Variants in PPP1R9A observed in about 807,000 individuals in gnomAD.
PPP1R9A encodes the protein neurabin-1.
A neutral mutation model predicts 141.9 loss-of-function variants in PPP1R9A; 59 were observed. That is an observed-to-expected ratio of 0.42 (90% CI 0.34 to 0.52). The LOEUF is 0.52. Ranked by LOEUF, PPP1R9A falls within the 20% of genes least tolerant of loss-of-function variation. The pLI, the probability that PPP1R9A is intolerant of heterozygous loss-of-function variation, is 0.10. For missense variants in PPP1R9A, 1,444 were observed against 1,611.9 expected, an observed-to-expected ratio of 0.90 and a Z score of 1.78; for synonymous variants, 500 against 569.7, an observed-to-expected ratio of 0.88 and a Z score of 1.74.
intron 5 of PPP1R9A, among the ~76,000 whole-genome samples, chr7:95,164,766 C>A (rs1830977976): frequency 9.9e-6 from 1 of 100,586 alleles, no homozygotes; most frequent in Admixed American, 1.2e-4. Flanking sequence ...TTTTTTCAGG[C>A]ATGGCCTATT....
chr7:95,028,586 T>C (rs1398118454), intron 2 of PPP1R9A, among the ~76,000 whole-genome samples: 2 of 152,198 alleles, frequency 1.3e-5, no homozygotes, highest in Non-Finnish European at 2.9e-5. Flanking sequence ...ATTTTAGGGC[T>C]AGAGGAAATA....
chr7:95,172,543 CA>C (rs1417108706), intron 5 of PPP1R9A, among the ~76,000 whole-genome samples: 1 of 151,548 alleles, frequency 6.6e-6, no homozygotes, highest in Admixed American at 6.6e-5. Flanking sequence ...TGACAGCATC[CA>C]AAATATTAAA....
At chr7:95,006,394 T>TTA (rs1043012393) in intron 2 of PPP1R9A, among the ~76,000 whole-genome samples, 3 of 151,974 alleles carry the variant, frequency 2.0e-5, no homozygotes, top group Non-Finnish European at 2.9e-5. Flanking sequence ...ATTTTTGTTA[T>TTA]TTTTAGTAGA....
chr7:95,148,617 G>A (rs1828069133), intron 4 of PPP1R9A, among the ~76,000 whole-genome samples: 1 of 150,306 alleles, frequency 6.7e-6, no homozygotes, highest in Non-Finnish European at 1.5e-5. Flanking sequence ...GCCAAGATGG[G>A]CAGATCACTT....
intron 2 of PPP1R9A, among the ~76,000 whole-genome samples, chr7:94,922,172 T>TAA (rs1321344126): frequency 6.6e-6 from 1 of 151,260 alleles, no homozygotes; most frequent in Non-Finnish European, 1.5e-5. Context: ...CCTTTATATA[T>TAA]AATTCAGAAA....
chr7:95,139,707 T>C (rs905834993), intron 4 of PPP1R9A, among the ~76,000 whole-genome samples: 5 of 151,880 alleles, frequency 3.3e-5, no homozygotes, highest in Non-Finnish European at 7.4e-5. Flanking sequence ...TATTGATGTA[T>C]GGCCTGGCAG....
intron 8 of PPP1R9A, among the ~76,000 whole-genome samples, chr7:95,232,006 G>A (rs915372930): frequency 1.1e-4 from 17 of 152,154 alleles, no homozygotes; most frequent in African/African-American, 3.9e-4. Flanking sequence ...GATTAACCAA[G>A]AAAAGAAGAG....
rs1409860406 is a variant in PPP1R9A at position 95,216,226 on chromosome 7, CT to C, written c.1957-9732del. Reference sequence around the variant, plus strand: ...TTTTCCATTTATTAAATAGGGAATCCTTTCCCCATTGCTTGTTTTTGTCAGG... The same window carrying C: ...TTTTCCATTTATTAAATAGGGAATCCTTCCCCATTGCTTGTTTTTGTCAGG... On this transcript the variant is annotated intron_variant, in intron 7 of 19. Coordinates refer to ENST00000433360, the MANE Select transcript of PPP1R9A (RefSeq NM_001166160.2). 2.0e-5 allele frequency among the ~76,000 whole-genome samples: 3 copies of C among 152,130 alleles called. No individual in the cohort carries two copies. The East Asian group carries it at 5.8e-4, about 29-fold the overall frequency.
chr7:95,129,108 T>C (rs939918459), intron 4 of PPP1R9A, among the ~76,000 whole-genome samples: 13 of 152,206 alleles, frequency 8.5e-5, no homozygotes, highest in African/African-American at 2.6e-4. Context: ...GCATAGGGAG[T>C]CCTTTCTCCA....
intron 13 of PPP1R9A, among the ~76,000 whole-genome samples, chr7:95,268,918 A>G (rs1307598574): frequency 6.6e-6 from 1 of 152,146 alleles, no homozygotes; most frequent in Non-Finnish European, 1.5e-5. Context: ...CAAGAGCATT[A>G]TCTGTATTGT....
chr7:95,152,520 A>C (rs1405425777), intron 4 of PPP1R9A, among the ~76,000 whole-genome samples: 7 of 152,110 alleles, frequency 4.6e-5, no homozygotes, highest in Non-Finnish European at 8.8e-5. Flanking sequence ...TCTTATTTAA[A>C]CCTTCCTCTC....
At chr7:94,973,343 G>A (rs1177709678) in intron 2 of PPP1R9A, among the ~76,000 whole-genome samples, 1 of 152,166 alleles carries the variant, frequency 6.6e-6, no homozygotes, top group Non-Finnish European at 1.5e-5. Flanking sequence ...AGGAGATGTA[G>A]AGAGAATGAT....
At chr7:94,979,321 G>A (rs901381592) in intron 2 of PPP1R9A, among the ~76,000 whole-genome samples, 1 of 152,094 alleles carries the variant, frequency 6.6e-6, no homozygotes, top group Non-Finnish European at 1.5e-5. Context: ...TAATAGCCAG[G>A]TATATCCTGT....
intron 2 of PPP1R9A, among the ~76,000 whole-genome samples, chr7:95,081,280 G>T (rs929288546): frequency 2.0e-5 from 3 of 152,080 alleles, no homozygotes; most frequent in Non-Finnish European, 4.4e-5. Flanking sequence ...TTTAAAAAGA[G>T]CATAACAAGG....
At chr7:95,144,643 G>A (rs919480004) in intron 4 of PPP1R9A, among the ~76,000 whole-genome samples, 1 of 151,946 alleles carries the variant, frequency 6.6e-6, no homozygotes, top group African/African-American at 2.4e-5. Context: ...TCATACTAAC[G>A]GTGAAAAATT....
intron 2 of PPP1R9A, among the ~76,000 whole-genome samples, chr7:95,068,409 G>A (rs528517904): frequency 2.0e-5 from 3 of 149,286 alleles, no homozygotes; most frequent in African/African-American, 7.4e-5. Flanking sequence ...GGTGGAGATT[G>A]CGGTGAGCCG....
Position 95,205,417 on chromosome 7 carries a change from A to T in PPP1R9A, c.1956+1687A>T, listed in dbSNP as rs549350190. ...GCTAGAACAATTCAATATTACAATGATGAAACACAGAGTTTGCAGTGTTAA... is the reference window on the plus strand; with the variant it reads ...GCTAGAACAATTCAATATTACAATGTTGAAACACAGAGTTTGCAGTGTTAA... On this transcript the variant is annotated intron_variant, in intron 7 of 19. Transcript: ENST00000433360. 4.6e-5 allele frequency among the ~76,000 whole-genome samples: 7 copies of T among 152,354 alleles called. No individual in the cohort carries two copies. The East Asian group carries it at 1.2e-3, about 25-fold the overall frequency.
chr7:95,029,855 C>T (rs542800720), intron 2 of PPP1R9A, among the ~76,000 whole-genome samples: 1 of 152,020 alleles, frequency 6.6e-6, no homozygotes, highest in Non-Finnish European at 1.5e-5. Context: ...CATACATTGC[C>T]GTTTTAGTTG....
intron 4 of PPP1R9A, among the ~76,000 whole-genome samples, chr7:95,151,695 A>T (rs1203569752): frequency 6.6e-6 from 1 of 150,484 alleles, no homozygotes; most frequent in African/African-American, 2.4e-5. Flanking sequence ...ATCATGTAAG[A>T]TGTTGATGGG....
Sources: gnomAD v4.1 joint callset for allele counts (sites outside exome capture counted in the v4.1 genomes callset) on GRCh38, gnomAD v4.1.1 for gene constraint, MANE v1.5 for transcripts, NCBI Gene and HGNC (gene_info 2026-07-23, HGNC 2026-07-21) for gene names.